Variants in FOXP1 observed in about 807,000 individuals in gnomAD.
The protein encoded by FOXP1 is forkhead box P1.
A neutral mutation model predicts 98.2 loss-of-function variants in FOXP1; 15 were observed. That is an observed-to-expected ratio of 0.15 (90% CI 0.10 to 0.24). The LOEUF is 0.24. Ranked by LOEUF, FOXP1 falls within the 10% of genes least tolerant of loss-of-function variation. FOXP1 has a pLI of 1.00. For missense variants in FOXP1, 633 were observed against 848.5 expected, an observed-to-expected ratio of 0.75 and a Z score of 3.15; for synonymous variants, 371 against 314.5, an observed-to-expected ratio of 1.18 and a Z score of -1.90.
At chr3:71,233,891 ACAT>A (rs2066553222) in intron 5 of FOXP1, among the ~76,000 whole-genome samples, 1 of 152,196 alleles carries the variant, frequency 6.6e-6, no homozygotes, top group South Asian at 2.1e-4. Context: ...CCCAAATCAA[ACAT>A]CATTACATGA....
rs112098084 is a variant in FOXP1 at position 70,956,415 on chromosome 3, C to CTTTTTTTTTTTTT, written c.*2819_*2831dup. ...CAAAGATATGTAAAATCTAATTTTT[C>CTTTTTTTTTTTTT]TTTTTTTTTTTTTTTTGCTACAGTC... On this transcript the variant is annotated 3_prime_UTR_variant, in exon 21 of 21. Coordinates refer to ENST00000649528, the MANE Select transcript of FOXP1 (RefSeq NM_001349338.3). 5.8e-6 allele frequency: 1 copy of CTTTTTTTTTTTTT among 173,080 alleles called. No individual in the cohort carries two copies. The highest frequency in any genetic ancestry group is 2.8e-5 in the African/African-American group (1 of 35,306). The allele number at this position is 173,080 out of a possible 1,614,324, so 10.7% of individuals were successfully genotyped here.
rs10681690 is a variant in FOXP1 at position 71,131,403 on chromosome 3, C to CAAAAA, written c.181-18771_181-18767dup. On this transcript the variant is annotated intron_variant, in intron 6 of 20. Coordinates refer to ENST00000649528, the MANE Select transcript of FOXP1 (RefSeq NM_001349338.3). ...AGAGTTGAACAGCCATATTCAATAA[C>CAAAAA]AAAAAAAAAAAAAAAAAAAGGAGGA... 4.8e-4 allele frequency among the ~76,000 whole-genome samples: 61 copies of CAAAAA among 126,482 alleles called. 1 individual carries two copies. Among genetic ancestry groups the CAAAAA allele is most frequent in the Non-Finnish European group, 5.8e-4 (36 of 62,236 alleles). 83.0% of individuals were successfully genotyped at this position (126,482 alleles called of 152,430 possible). A position where few individuals can be genotyped will look rare whatever the true frequency, so the allele number is the denominator to read the frequency against.
chr3:71,513,617 T>A (rs1328957323), intron 2 of FOXP1, among the ~76,000 whole-genome samples: 1 of 152,150 alleles, frequency 6.6e-6, no homozygotes, highest in Non-Finnish European at 1.5e-5. Context: ...TGTGTGAAAG[T>A]TGATTATACA....
At chr3:71,234,223 C>A (rs1367615556) in intron 5 of FOXP1, among the ~76,000 whole-genome samples, 1 of 151,800 alleles carries the variant, frequency 6.6e-6, no homozygotes, top group Non-Finnish European at 1.5e-5. Flanking sequence ...TTTTGGATAA[C>A]CAGATTATTT....
chr3:71,327,444 G>C (rs899337330), intron 4 of FOXP1, among the ~76,000 whole-genome samples: 2 of 139,834 alleles, frequency 1.4e-5, no homozygotes, highest in Non-Finnish European at 3.1e-5. Context: ...CTGGAGTGCA[G>C]TGGTGCGATC....
At chr3:71,546,405 C>A (rs905684692) in intron 2 of FOXP1, among the ~76,000 whole-genome samples, 5 of 152,106 alleles carry the variant, frequency 3.3e-5, no homozygotes, top group African/African-American at 1.2e-4. Flanking sequence ...ATTTTCAGGT[C>A]CTTAATGGTC....
At chr3:71,003,271 A>G (rs1341983568) in intron 12 of FOXP1, among the ~76,000 whole-genome samples, 1 of 152,254 alleles carries the variant, frequency 6.6e-6, no homozygotes, top group East Asian at 1.9e-4. Flanking sequence ...AAACGCAGTG[A>G]GAGCCTGGTT....
intron 2 of FOXP1, among the ~76,000 whole-genome samples, chr3:71,523,538 A>G (rs1257072631): frequency 6.6e-6 from 1 of 152,210 alleles, no homozygotes; most frequent in Non-Finnish European, 1.5e-5. Context: ...TACATTCAAA[A>G]CAGTAGCAAG....
At chr3:71,547,065 T>C (rs989917570) in intron 2 of FOXP1, among the ~76,000 whole-genome samples, 3 of 152,208 alleles carry the variant, frequency 2.0e-5, no homozygotes, top group Admixed American at 6.5e-5. Context: ...AACACAACTG[T>C]CACTGCTGTC....
At chr3:71,415,147 G>A (rs1232669148) in intron 3 of FOXP1, among the ~76,000 whole-genome samples, 1 of 152,162 alleles carries the variant, frequency 6.6e-6, no homozygotes, top group African/African-American at 2.4e-5. Context: ...GTTCAAGAAA[G>A]TAAGTATGCA....
intron 7 of FOXP1, among the ~76,000 whole-genome samples, chr3:71,099,654 C>A (rs954947611): frequency 6.6e-6 from 1 of 152,184 alleles, no homozygotes; most frequent in African/African-American, 2.4e-5. Context: ...GATAAGAAAA[C>A]AGAAATACAG....
chr3:71,454,073 T>C (rs2087203559), intron 3 of FOXP1, among the ~76,000 whole-genome samples: 1 of 152,214 alleles, frequency 6.6e-6, no homozygotes, highest in Non-Finnish European at 1.5e-5. Flanking sequence ...TGAGCTAGAT[T>C]GTTACTTCTC....
intron 6 of FOXP1, among the ~76,000 whole-genome samples, chr3:71,130,007 T>C (rs1338455319): frequency 6.6e-6 from 1 of 152,190 alleles, no homozygotes; most frequent in Non-Finnish European, 1.5e-5. Flanking sequence ...TTTATTGGCA[T>C]GAAATTGGTA....
intron 6 of FOXP1, among the ~76,000 whole-genome samples, chr3:71,137,149 C>T (rs1251969598): frequency 6.6e-6 from 1 of 152,192 alleles, no homozygotes; most frequent in Non-Finnish European, 1.5e-5. Context: ...GCCTAGCGGC[C>T]TCTGAGTTCT....
intron 7 of FOXP1, among the ~76,000 whole-genome samples, chr3:71,074,981 G>A (rs988622492): frequency 6.6e-6 from 1 of 152,160 alleles, no homozygotes; most frequent in Non-Finnish European, 1.5e-5. Flanking sequence ...ATCTCCTTCC[G>A]ACACATGACT....
intron 3 of FOXP1, among the ~76,000 whole-genome samples, chr3:71,441,378 A>G (rs910582093): frequency 6.6e-6 from 1 of 152,242 alleles, no homozygotes; most frequent in African/African-American, 2.4e-5. Context: ...AGACCCCACA[A>G]CAAAGAACTT....
In FOXP1 at chr3:71,228,278, G is replaced by T. The variant is rs761590800; in HGVS notation, c.-11-29886C>A. Among the ~76,000 whole-genome samples the T allele has an allele frequency of 1.8e-4, 27 of 151,838 alleles. 1 individual carries two copies. The South Asian group carries it at 3.1e-3, about 18-fold the overall frequency. ...ACTTACTGTTTTCAATTCTCTATAC[G>T]CACCGAAATTATTGGGTTAAATAAA... is the stretch of plus-strand genomic sequence containing the variant. On this transcript the variant is annotated intron_variant, in intron 5 of 20. Coordinates refer to ENST00000649528, the MANE Select transcript of FOXP1 (RefSeq NM_001349338.3).
At chr3:71,560,873 C>A (rs759666461) in intron 2 of FOXP1, among the ~76,000 whole-genome samples, 1 of 151,952 alleles carries the variant, frequency 6.6e-6, no homozygotes, top group South Asian at 2.1e-4. Context: ...AACAGAAAGT[C>A]GATTAGTGGT....
At chr3:71,102,438 A>C (rs1179605279) in intron 7 of FOXP1, among the ~76,000 whole-genome samples, 3 of 152,200 alleles carry the variant, frequency 2.0e-5, no homozygotes, top group African/African-American at 7.2e-5. Flanking sequence ...AAGCAATACA[A>C]AAACAGTTAC....
Sources: gnomAD v4.1 joint callset for allele counts (sites outside exome capture counted in the v4.1 genomes callset) on GRCh38, gnomAD v4.1.1 for gene constraint, MANE v1.5 for transcripts, NCBI Gene and HGNC (gene_info 2026-07-23, HGNC 2026-07-21) for gene names.